Variants in STAT5B observed in about 807,000 individuals in gnomAD.
STAT5B encodes the protein signal transducer and activator of transcription 5B.
A neutral mutation model predicts 107.8 loss-of-function variants in STAT5B; 21 were observed. The ratio of observed to expected loss-of-function variants is 0.19; its 90% CI spans 0.14 to 0.28. The LOEUF (loss-of-function observed/expected upper bound fraction) is 0.28. Among genes scored for constraint, STAT5B ranks in the 10% least tolerant of loss-of-function variants. STAT5B has a pLI of 1.00. For synonymous variants in STAT5B, 325 were observed against 401.7 expected (o/e 0.81, Z 2.28); for missense variants, 565 against 1,008.2 (o/e 0.56, Z 5.95).
intron 1 of STAT5B, among the ~76,000 whole-genome samples, chr17:42,257,181 T>C (rs1051941166): frequency 2.6e-5 from 4 of 152,220 alleles, no homozygotes; most frequent in African/African-American, 9.7e-5. Flanking sequence ...GTATGTAATA[T>C]TAAATACTTT....
the STAT5B span, among the ~76,000 whole-genome samples, chr17:42,285,367 C>T: frequency 6.6e-6 from 1 of 152,218 alleles, no homozygotes; most frequent in Non-Finnish European, 1.5e-5. Context: ...GCTGGGATTA[C>T]AGGCGTGAGC....
At chr17:42,247,012 T>C (rs545081066) in intron 1 of STAT5B, among the ~76,000 whole-genome samples, 1 of 152,304 alleles carries the variant, frequency 6.6e-6, no homozygotes, top group East Asian at 1.9e-4. Context: ...TCAATTTATT[T>C]TGTGCCAAGA....
rs1567653037 is a variant in STAT5B at position 42,202,420 on chromosome 17, C to T, written c.2157G>A (p.Gly719=). 7 of 1,614,214 alleles carry T rather than the reference C, an allele frequency of 4.3e-6. No homozygotes were observed. Among genetic ancestry groups the T allele is most frequent in the Non-Finnish European group, 5.1e-6 (6 of 1,180,040 alleles). The change falls in exon 18 of 19, where the codon GGG becomes GGA. Residue 719 remains glycine, a synonymous_variant. Coordinates refer to ENST00000293328, the MANE Select transcript of STAT5B (RefSeq NM_012448.4). ...PEFVNASADA[G]GGSATYMDQA... ...GGTCCATGTACGTGGCGCTGCCGCC[C>T]CCGGCATCTGCAGATGCGTTCACAA...
At position 42,201,208 on chromosome 17, in the gene STAT5B, CTT is replaced by C. The variant is rs922971518; in HGVS notation, c.*528_*529del. On this transcript the variant is annotated 3_prime_UTR_variant, in exon 19 of 19. Coordinates refer to ENST00000293328, the MANE Select transcript of STAT5B (RefSeq NM_012448.4). ...AGGGGTGGGGGAGAGGGAAGGCTCT[CTT>C]TGTCAAAAAGCAGTTATCTACATTT... is the stretch of plus-strand genomic sequence containing the variant. The C allele has an allele frequency of 2.4e-6, 1 of 415,892 alleles. No homozygotes were observed. The highest frequency in any genetic ancestry group is 4.2e-6 in the Non-Finnish European group (1 of 235,930). The allele number at this position is 415,892 out of a possible 1,614,324, so 25.8% of individuals were successfully genotyped here.
chr17:42,227,497 T>C (rs2080283535), intron 3 of STAT5B, 32 bp downstream of exon 3: 6 of 1,611,622 alleles, frequency 3.7e-6, no homozygotes, highest in Non-Finnish European at 4.2e-6. Context: ...CAAGGGAAGG[T>C]AATTAAGTGT....
intron 3 of STAT5B, among the ~76,000 whole-genome samples, chr17:42,225,246 G>A (rs1018059944): frequency 6.6e-6 from 1 of 151,986 alleles, no homozygotes; most frequent in Non-Finnish European, 1.5e-5. Context: ...GTAGAGATGG[G>A]GTTCCACCAT....
At chr17:42,240,526 C>T (rs1442380420) in intron 1 of STAT5B, among the ~76,000 whole-genome samples, 1 of 151,970 alleles carries the variant, frequency 6.6e-6, no homozygotes, top group African/African-American at 2.4e-5. Context: ...AAGGTAAGGG[C>T]TTTTTGAGGG....
Position 42,276,346 on chromosome 17 carries a change from A to T in STAT5B, c.-109T>A, listed in dbSNP as rs1259090959. 1 of 146,066 alleles carries T rather than the reference A, an allele frequency of 6.8e-6. No individual in the cohort carries two copies. The highest frequency in any genetic ancestry group is 1.5e-5 in the Non-Finnish European group (1 of 65,762). 9.0% of individuals were successfully genotyped at this position (146,066 alleles called of 1,614,324 possible). A position where few individuals can be genotyped will look rare whatever the true frequency, so the allele number is the denominator to read the frequency against. On this transcript the variant is annotated 5_prime_UTR_variant, in exon 1 of 19. Coordinates refer to ENST00000293328, the MANE Select transcript of STAT5B (RefSeq NM_012448.4). The surrounding 1 kb of genome is among the most constrained non-coding windows in gnomAD (Gnocchi z 4.8). Reference sequence around the variant, plus strand: ...CTCCCTCGGCCGGGCCGCCGCGCGGAGTTGCCTGCGCTGGGTCCCCGCCCG... The same window carrying T: ...CTCCCTCGGCCGGGCCGCCGCGCGGTGTTGCCTGCGCTGGGTCCCCGCCCG...
At position 42,217,272 on chromosome 17, in the gene STAT5B, C is replaced by T. The variant is rs373996796; in HGVS notation, c.1268G>A (p.Arg423Gln). The change falls in exon 11 of 19, where the codon CGA becomes CAA. Residue 423 changes from arginine to glutamine, a missense_variant. Arg to Gln is a conservative substitution (Grantham distance 43). Transcript: ENST00000293328. ...SAHFRNMSLK[R>Q]IKRSDRRGAE... Reference sequence around the variant, plus strand: ...CCCACGACGGTCTGACCTCTTAATTCGTTTCAGGGACTACAAAGAAGAAAC... The same window carrying T: ...CCCACGACGGTCTGACCTCTTAATTTGTTTCAGGGACTACAAAGAAGAAAC... 4 of 1,613,996 alleles carry T rather than the reference C, an allele frequency of 2.5e-6. No homozygotes were observed. The highest frequency in any genetic ancestry group is 3.4e-6 in the Non-Finnish European group (4 of 1,180,038).
At position 42,218,658 on chromosome 17, in the gene STAT5B, C is replaced by A. The variant is rs1005224721; in HGVS notation, c.989+65G>T. On this transcript the variant is annotated intron_variant, in intron 8 of 18. Transcript: ENST00000293328. ...GATCTGCTGGTCTGGAAGGCACCTG[C>A]GGCTCCCCCCACGCAGGCAGGAGCT... The A allele has an allele frequency of 1.2e-5, 20 of 1,611,962 alleles. No homozygotes were observed. The African/African-American group carries it at 2.4e-4, about 19-fold the overall frequency.
upstream of STAT5B, among the ~76,000 whole-genome samples, chr17:42,279,415 T>C (rs757796848): frequency 6.6e-6 from 1 of 152,166 alleles, no homozygotes; most frequent in Non-Finnish European, 1.5e-5. Context: ...GCAGCTAAGA[T>C]GAATACTCCT....
chr17:42,282,995 G>A, the STAT5B span, among the ~76,000 whole-genome samples: 13 of 151,944 alleles, frequency 8.6e-5, no homozygotes, highest in Admixed American at 5.3e-4. Context: ...CTTAAGAAAC[G>A]AAGAAACAAT....
chr17:42,255,864 G>C (rs150420709), intron 1 of STAT5B, among the ~76,000 whole-genome samples: 4 of 152,192 alleles, frequency 2.6e-5, no homozygotes, highest in East Asian at 1.9e-4. Context: ...GCCGAGGGCG[G>C]TTCACCTAAG....
intron 13 of STAT5B, among the ~76,000 whole-genome samples, chr17:42,211,437 C>T (rs1021970695): frequency 1.3e-5 from 2 of 151,804 alleles, no homozygotes; most frequent in African/African-American, 2.4e-5. Flanking sequence ...AACCAGGAGG[C>T]GGCGGTTGCG....
intron 12 of STAT5B, among the ~76,000 whole-genome samples, chr17:42,215,665 C>A (rs1320860607): frequency 6.6e-6 from 1 of 152,128 alleles, no homozygotes. Context: ...GTCACCCAGG[C>A]TGGAGTGCAG....
In STAT5B at chr17:42,201,025, T is replaced by A; in HGVS notation, c.*713A>T. On this transcript the variant is annotated 3_prime_UTR_variant, in exon 19 of 19. Coordinates refer to ENST00000293328, the MANE Select transcript of STAT5B (RefSeq NM_012448.4). ...ACACCCAGAGGAACTGAGTGGCAAT[T>A]CCAGGGTGCGGGCGGGCAGGAGGGG... The A allele has an allele frequency of 1.2e-5, 5 of 401,390 alleles. No homozygotes were observed. The highest frequency in any genetic ancestry group is 2.2e-5 in the Non-Finnish European group (5 of 227,854). The allele number at this position is 401,390 out of a possible 1,614,324, so 24.9% of individuals were successfully genotyped here.
intron 1 of STAT5B, among the ~76,000 whole-genome samples, chr17:42,245,903 C>T (rs2080447756): frequency 6.6e-6 from 1 of 152,148 alleles, no homozygotes; most frequent in African/African-American, 2.4e-5. Flanking sequence ...TTGTGATCCT[C>T]CCACCTCGGC....
the STAT5B span, chr17:42,287,602 A>T: frequency 1.3e-5 from 2 of 152,214 alleles, no homozygotes; most frequent in Non-Finnish European, 2.9e-5. Flanking sequence ...AGTTAGGAGG[A>T]CTCAAGACGG....
At chr17:42,223,610 G>A in intron 4 of STAT5B, 54 bp from the exon 5 acceptor site, 1 of 1,595,092 alleles carries the variant, frequency 6.3e-7, no homozygotes, top group South Asian at 1.1e-5. Flanking sequence ...GAAGACTGAG[G>A]CCTTAATCCC....
Sources: gnomAD v4.1 joint callset for allele counts (sites outside exome capture counted in the v4.1 genomes callset) on GRCh38, gnomAD v4.1.1 for gene constraint, Gnocchi (gnomAD v3.1) non-coding constraint, MANE v1.5 for transcripts, NCBI Gene and HGNC (gene_info 2026-07-23, HGNC 2026-07-21) for gene names.